The following NRG3 variants were observed in gnomAD, a reference collection of about 807,000 sequenced individuals.
NRG3 encodes neuregulin 3, also known as pro-neuregulin-3, membrane-bound isoform.
Under a neutral mutation model 66.9 loss-of-function variants are expected in NRG3, and 31 were observed. The observed-to-expected ratio is 0.46, with a 90% CI of 0.35 to 0.63. The LOEUF (loss-of-function observed/expected upper bound fraction) is 0.63. Ranked by LOEUF, NRG3 falls within the 20% of genes least tolerant of loss-of-function variation. NRG3 has a pLI of 0.00. For synonymous variants in NRG3, 393 were observed against 359.4 expected, an observed-to-expected ratio of 1.09 and a Z score of -1.06; for missense variants, 910 against 878.9, an observed-to-expected ratio of 1.04 and a Z score of -0.45.
chr10:82,710,718 T>G lies in NRG3; in HGVS notation c.954-27859T>G, dbSNP rs555071750. On this transcript the variant is annotated intron_variant, in intron 2 of 8. Coordinates refer to ENST00000372141, the MANE Select transcript of NRG3 (RefSeq NM_001010848.4). ...ATTTTTTATTTTTATTTTATTTTAT[T>G]TTATTTTTATTTTATGACACAAATG... 5.9e-5 allele frequency among the ~76,000 whole-genome samples: 9 copies of G among 151,982 alleles called. No homozygotes were observed. In the South Asian group the frequency reaches 1.9e-3, roughly 31 times the overall value.
chr10:82,240,005 C>G (rs544914025), intron 1 of NRG3, among the ~76,000 whole-genome samples: 45 of 152,088 alleles, frequency 3.0e-4, no homozygotes, highest in African/African-American at 8.4e-4. Context: ...AAAATAAGTG[C>G]AAGTCATATT....
chr10:82,730,300 G>T (rs2057834258), intron 2 of NRG3, among the ~76,000 whole-genome samples: 1 of 151,938 alleles, frequency 6.6e-6, no homozygotes, highest in Non-Finnish European at 1.5e-5. Flanking sequence ...TAGCCAGGAT[G>T]GTCTCGATCT....
At chr10:82,497,551 C>T (rs1388166872) in intron 2 of NRG3, among the ~76,000 whole-genome samples, 1 of 151,988 alleles carries the variant, frequency 6.6e-6, no homozygotes, top group Non-Finnish European at 1.5e-5. Flanking sequence ...GAATCTTCTT[C>T]TTTTTAAAAG....
At chr10:82,273,572 T>C (rs1435981995) in intron 1 of NRG3, among the ~76,000 whole-genome samples, 1 of 152,056 alleles carries the variant, frequency 6.6e-6, no homozygotes, top group Non-Finnish European at 1.5e-5. Context: ...GTTTCAAAAA[T>C]ATTTTGAGTG....
At chr10:82,052,000 G>A (rs376157292) in intron 1 of NRG3, among the ~76,000 whole-genome samples, 1 of 150,992 alleles carries the variant, frequency 6.6e-6, no homozygotes, top group African/African-American at 2.4e-5. Flanking sequence ...TATAATGTTG[G>A]ACTATTGCTG....
At chr10:82,791,996 C>T (rs933978480) in intron 3 of NRG3, among the ~76,000 whole-genome samples, 3 of 152,084 alleles carry the variant, frequency 2.0e-5, no homozygotes, top group African/African-American at 7.2e-5. Context: ...AAAGTTCACA[C>T]AGAGCTGGGG....
chr10:82,893,334 A>C (rs1843336979), intron 4 of NRG3, among the ~76,000 whole-genome samples: 1 of 152,242 alleles, frequency 6.6e-6, no homozygotes, highest in Non-Finnish European at 1.5e-5. Context: ...GGATATTAAC[A>C]TATTTATAGT....
chr10:82,092,522 C>T (rs1269555044), intron 1 of NRG3, among the ~76,000 whole-genome samples: 1 of 151,420 alleles, frequency 6.6e-6, no homozygotes, highest in East Asian at 1.9e-4. Flanking sequence ...TAATTTCATT[C>T]ATGTGCCTTG....
intron 1 of NRG3, among the ~76,000 whole-genome samples, chr10:82,133,240 T>G (rs1174296540): frequency 6.6e-6 from 1 of 152,062 alleles, no homozygotes; most frequent in African/African-American, 2.4e-5. Context: ...GTACCTCATA[T>G]TTTTTTAACA....
At chr10:82,571,136 C>T (rs1490284912) in intron 2 of NRG3, among the ~76,000 whole-genome samples, 2 of 151,244 alleles carry the variant, frequency 1.3e-5, no homozygotes, top group Non-Finnish European at 3.0e-5. Flanking sequence ...GGTTTTGTAT[C>T]CTGTTAATGA....
intron 2 of NRG3, among the ~76,000 whole-genome samples, chr10:82,458,746 C>T (rs941946319): frequency 3.3e-5 from 5 of 152,104 alleles, no homozygotes; most frequent in Non-Finnish European, 7.4e-5. Flanking sequence ...GTTTTCTAAT[C>T]TGAAAAAGGG....
rs562793414 is a variant in NRG3 at position 81,943,006 on chromosome 10, C to A, written c.823+66843C>A. Among the ~76,000 whole-genome samples the A allele has an allele frequency of 3.9e-5, 6 of 152,174 alleles. No homozygotes were observed. In the East Asian group the frequency reaches 1.2e-3, roughly 29 times the overall value. ...GCCAGTTTGTGTTTTCTCCCTATAACCTCTATTTTTGTGTCACATAATTTA... is the reference window on the plus strand; with the variant it reads ...GCCAGTTTGTGTTTTCTCCCTATAAACTCTATTTTTGTGTCACATAATTTA... On this transcript the variant is annotated intron_variant, in intron 1 of 8. Coordinates refer to ENST00000372141, the MANE Select transcript of NRG3 (RefSeq NM_001010848.4).
intron 4 of NRG3, among the ~76,000 whole-genome samples, chr10:82,884,229 A>G (rs1564600907): frequency 2.0e-5 from 3 of 152,182 alleles, no homozygotes; most frequent in Non-Finnish European, 4.4e-5. Context: ...CAACAAAAAT[A>G]TCACTCTTAG....
intron 2 of NRG3, among the ~76,000 whole-genome samples, chr10:82,519,539 A>C (rs1845999554): frequency 6.6e-6 from 1 of 152,024 alleles, no homozygotes; most frequent in African/African-American, 2.4e-5. Context: ...CCTTTCCTTC[A>C]TAGGAACACT....
chr10:82,331,408 A>G (rs988267952), intron 1 of NRG3, among the ~76,000 whole-genome samples: 1 of 152,174 alleles, frequency 6.6e-6, no homozygotes, highest in Non-Finnish European at 1.5e-5. Context: ...CCCTGATGCT[A>G]TAGACCCATG....
At chr10:82,145,973 C>G (rs1051397834) in intron 1 of NRG3, among the ~76,000 whole-genome samples, 1 of 152,018 alleles carries the variant, frequency 6.6e-6, no homozygotes, top group African/African-American at 2.4e-5. Context: ...TAGCTGATGC[C>G]TAGTTGTTGA....
intron 4 of NRG3, among the ~76,000 whole-genome samples, chr10:82,902,369 T>A (rs1323256660): frequency 2.0e-5 from 3 of 152,182 alleles, no homozygotes; most frequent in Non-Finnish European, 4.4e-5. Flanking sequence ...CTTAGTTATA[T>A]GCAGCATTTC....
chr10:82,480,690 A>G (rs557046862), intron 2 of NRG3, among the ~76,000 whole-genome samples: 9 of 152,326 alleles, frequency 5.9e-5, no homozygotes, highest in African/African-American at 2.2e-4. Flanking sequence ...CAGCCCGTGC[A>G]TGGCACATGC....
At chr10:82,049,293 A>T (rs964762282) in intron 1 of NRG3, among the ~76,000 whole-genome samples, 1 of 152,086 alleles carries the variant, frequency 6.6e-6, no homozygotes, top group African/African-American at 2.4e-5. Context: ...TTCAACATCA[A>T]TCATAAGAGG....
Sources: gnomAD v4.1 joint callset for allele counts (sites outside exome capture counted in the v4.1 genomes callset) on GRCh38, gnomAD v4.1.1 for gene constraint, MANE v1.5 for transcripts, NCBI Gene and HGNC (gene_info 2026-07-23, HGNC 2026-07-21) for gene names.